The following NME7 variants were observed in gnomAD, a reference collection of about 807,000 sequenced individuals.
NME7 encodes NME/NM23 family member 7.
NME7 carries 41 observed loss-of-function variants against 49.1 expected under a neutral mutation model. The observed-to-expected ratio is 0.83, with a 90% CI of 0.65 to 1.08. The LOEUF is 1.08. Ranked by LOEUF, NME7 falls within the 50% of genes least tolerant of loss-of-function variation. The pLI is 0.00. For synonymous variants in NME7, 139 were observed against 150.6 expected (o/e 0.92, Z 0.56); for missense variants, 423 against 463.4 (o/e 0.91, Z 0.80).
chr1:169,132,917 AC>A, intron 11 of NME7, 100 bp from the exon 12 acceptor site: 1 of 771,066 alleles, frequency 1.3e-6, no homozygotes. Flanking sequence ...ACACTGGCAT[AC>A]CCCTTCCCAA....
intron 6 of NME7, among the ~76,000 whole-genome samples, chr1:169,291,200 C>T (rs1204509091): frequency 2.0e-5 from 3 of 152,172 alleles, no homozygotes; most frequent in East Asian, 3.8e-4. Context: ...GTTGTAAAGA[C>T]ACATGCACAC....
rs1388481178 is a variant in NME7, at chr1:169,255,584, G to A, written c.755-17897C>T. Among the ~76,000 whole-genome samples the A allele has an allele frequency of 4.7e-5, 6 of 127,068 alleles. 1 individual carries two copies. Among genetic ancestry groups the A allele is most frequent in the Admixed American group, 7.6e-5 (1 of 13,122 alleles). 83.4% of individuals were successfully genotyped at this position (127,068 alleles called of 152,430 possible). On this transcript the variant is annotated intron_variant, in intron 7 of 11. Transcript: ENST00000367811. ...TTACATTTAAAGTTAATATTGTTAT[G>A]TGTGAATTTGATCCTGTCATTATGA...
At chr1:169,139,818 C>A (rs1426432854) in intron 11 of NME7, among the ~76,000 whole-genome samples, 1 of 152,172 alleles carries the variant, frequency 6.6e-6, no homozygotes, top group Non-Finnish European at 1.5e-5. Context: ...TCATGAACAG[C>A]AGAGGCAGAC....
intron 7 of NME7, among the ~76,000 whole-genome samples, chr1:169,240,275 G>A (rs12062884): frequency 0.062 from 9,426 of 151,916 alleles, 380 homozygotes; most frequent in East Asian, 0.12. Flanking sequence ...GTCAGGAAGA[G>A]ATTATAGTAT....
intron 10 of NME7, among the ~76,000 whole-genome samples, chr1:169,225,865 T>C (rs967113611): frequency 3.2e-4 from 48 of 152,202 alleles, no homozygotes; most frequent in South Asian, 2.1e-4. Context: ...CTGCAACATA[T>C]ATAGTTACAA....
intron 11 of NME7, among the ~76,000 whole-genome samples, chr1:169,166,426 A>G (rs1263290495): frequency 6.6e-6 from 1 of 152,216 alleles, no homozygotes. Flanking sequence ...AATGGAGCTA[A>G]CAAAGTCATT....
chr1:169,196,002 G>A (rs111653200), intron 10 of NME7, among the ~76,000 whole-genome samples: 1 of 152,246 alleles, frequency 6.6e-6, no homozygotes, highest in East Asian at 1.9e-4. Context: ...GGAAAAGGTA[G>A]GCTTTGATCT....
chr1:169,136,951 A>T (rs1380287971), intron 11 of NME7, among the ~76,000 whole-genome samples: 2 of 152,202 alleles, frequency 1.3e-5, no homozygotes, highest in Non-Finnish European at 2.9e-5. Flanking sequence ...TTTTCTTTTA[A>T]ATAAGAGTAC....
chr1:169,325,248 C>T (rs758643806), intron 1 of NME7, among the ~76,000 whole-genome samples: 43 of 152,052 alleles, frequency 2.8e-4, no homozygotes, highest in Non-Finnish European at 5.7e-4. Flanking sequence ...GTTCTGTAAG[C>T]CCATCAGGAA....
rs1557977104 is a variant in NME7 at position 169,182,173 on chromosome 1, T to TAAAAAA, written c.991-12620_991-12619insTTTTTT. On this transcript the variant is annotated intron_variant, in intron 10 of 11. Coordinates refer to ENST00000367811, the MANE Select transcript of NME7 (RefSeq NM_013330.5). ...GTGCATGCCACCACAACTAGCTAATTTAAAAAAAAAAAAAAACAACTCTGT... is the reference window on the plus strand; with the variant it reads ...GTGCATGCCACCACAACTAGCTAATTAAAAAATAAAAAAAAAAAAAAACAACTCTGT... Among the ~76,000 whole-genome samples the TAAAAAA allele has an allele frequency of 1.3e-4, 6 of 45,578 alleles. No individual in the cohort carries two copies. The South Asian group carries it at 2.9e-3, about 22-fold the overall frequency. 29.9% of individuals were successfully genotyped at this position (45,578 alleles called of 152,430 possible). A position where few individuals can be genotyped will look rare whatever the true frequency, so the allele number is the denominator to read the frequency against.
Position 169,326,628 on chromosome 1 carries a change from C to T in NME7, c.4-2128G>A, listed in dbSNP as rs528249396. On this transcript the variant is annotated intron_variant, in intron 1 of 11. Transcript: ENST00000367811. ...TTGGAAACGAACTCCCAAGCTAGTG[C>T]TGTTTCCTCTGTGGGAAAAGGTTTA... 3.3e-5 allele frequency among the ~76,000 whole-genome samples: 5 copies of T among 152,320 alleles called. No individual in the cohort carries two copies. The East Asian group carries it at 9.6e-4, about 29-fold the overall frequency.
chr1:169,338,596 C>G (rs1050148077), intron 1 of NME7, among the ~76,000 whole-genome samples: 3 of 152,192 alleles, frequency 2.0e-5, no homozygotes. Flanking sequence ...TGCTCTCTGA[C>G]TTCTGCAGAT....
At chr1:169,225,686 C>T (rs576889500) in intron 10 of NME7, among the ~76,000 whole-genome samples, 4 of 152,122 alleles carry the variant, frequency 2.6e-5, no homozygotes, top group African/African-American at 4.8e-5. Flanking sequence ...TCTAATATTT[C>T]CCCCCTCCCT....
At chr1:169,342,865 G>A in intron 1 of NME7, among the ~76,000 whole-genome samples, 1 of 70,166 alleles carries the variant, frequency 1.4e-5, no homozygotes, top group Non-Finnish European at 3.1e-5. Flanking sequence ...ATATATACAA[G>A]TACATATATA....
intron 11 of NME7, among the ~76,000 whole-genome samples, chr1:169,164,598 G>A (rs1245978033): frequency 2.0e-5 from 3 of 152,114 alleles, no homozygotes; most frequent in Non-Finnish European, 4.4e-5. Context: ...AGTATAGGAA[G>A]GCAAAGTGCT....
chr1:169,307,625 T>C lies in NME7; in HGVS notation c.389+2345A>G, dbSNP rs548912078. On this transcript the variant is annotated intron_variant, in intron 4 of 11. Transcript: ENST00000367811. ...CATTATGATAAACAAGTAGCATCTT[T>C]ACCACAGGAAGTTAGATACCAAGTC... Among the ~76,000 whole-genome samples, 8 of 152,320 alleles carry C rather than the reference T, an allele frequency of 5.3e-5. No homozygotes were observed. The South Asian group carries it at 1.7e-3, about 32-fold the overall frequency.
chr1:169,212,639 TTGC>T (rs1660859884), intron 10 of NME7, among the ~76,000 whole-genome samples: 1 of 149,856 alleles, frequency 6.7e-6, no homozygotes, highest in African/African-American at 2.5e-5. Context: ...TCTTGCTCTG[TTGC>T]CCTAGCTGGA....
At chr1:169,336,335 G>A (rs1054602516) in intron 1 of NME7, among the ~76,000 whole-genome samples, 18 of 152,166 alleles carry the variant, frequency 1.2e-4, no homozygotes, top group East Asian at 3.9e-4. Flanking sequence ...TGTGGAAGGG[G>A]ACCTTCCCTT....
chr1:169,273,182 T>C lies in NME7; in HGVS notation c.754+14121A>G, dbSNP rs1165221219. ...CATCAACCTATCACATATAATTAGG[T>C]ATTTCTCCTAATGTCATCCCTCCCC... On this transcript the variant is annotated intron_variant, in intron 7 of 11. Transcript: ENST00000367811. Among the ~76,000 whole-genome samples, 2 of 133,150 alleles carry C rather than the reference T, an allele frequency of 1.5e-5. 1 individual carries two copies. The highest frequency in any genetic ancestry group is 1.5e-4 in the Admixed American group (2 of 13,522). 87.4% of individuals were successfully genotyped at this position (133,150 alleles called of 152,430 possible).
Sources: gnomAD v4.1 joint callset for allele counts (sites outside exome capture counted in the v4.1 genomes callset) on GRCh38, gnomAD v4.1.1 for gene constraint, MANE v1.5 for transcripts, NCBI Gene and HGNC (gene_info 2026-07-23, HGNC 2026-07-21) for gene names.